Variants in LONP1 observed in about 807,000 individuals in gnomAD.
The protein encoded by LONP1 is lon peptidase 1, mitochondrial.
In LONP1, 31 loss-of-function variants were observed where a neutral mutation model predicts 98.5. The observed-to-expected ratio is 0.31, with a 90% CI of 0.24 to 0.42. The LOEUF is 0.42. Among genes scored for constraint, LONP1 ranks in the 20% least tolerant of loss-of-function variants. The pLI, the probability that LONP1 is intolerant of heterozygous loss-of-function variation, is 1.00. For synonymous variants in LONP1, 781 were observed against 594.7 expected (o/e 1.31, Z -4.56); for missense variants, 1,336 against 1,350.6 (o/e 0.99, Z 0.17).
Position 5,694,411 on chromosome 19 carries a change from T to G in LONP1, c.2296A>C (p.Met766Leu), listed in dbSNP as rs749874904. 6 of 1,613,400 alleles carry G rather than the reference T, an allele frequency of 3.7e-6. No homozygotes were observed. Among genetic ancestry groups the G allele is most frequent in the Non-Finnish European group, 2.5e-6 (3 of 1,179,990 alleles). The change falls in exon 15 of 18, where the codon ATG (methionine) becomes CTG (leucine). Residue 766 changes from methionine (M) to leucine (L), a missense_variant. Physicochemically the swap from Met to Leu is conservative, Grantham distance 15 (BLOSUM62 2). Transcript: ENST00000360614. ...MYDVTPPGVV[M>L]GLAWTAMGGS... ...CCCATTGCGGTCCAGGCCAGCCCCA[T>G]GACCACGCCGGGCGGTGTCACGTCA...
rs2054997075 is a variant in LONP1 at position 5,699,187 on chromosome 19, G to T, written c.1525C>A (p.Gln509Lys). The T allele has an allele frequency of 6.6e-7, 1 of 1,507,028 alleles. No individual in the cohort carries two copies. Among genetic ancestry groups the T allele is most frequent in the Non-Finnish European group, 8.9e-7 (1 of 1,121,702 alleles). 93.4% of individuals were successfully genotyped at this position (1,507,028 alleles called of 1,614,324 possible). A position where few individuals can be genotyped will look rare whatever the true frequency, so the allele number is the denominator to read the frequency against. ...TTGCCCTGGGTGGAGCCGCGGAGCT[G>T]GCTAACGGCAATGAACTCCTGCAGA... ...KRILEFIAVSQLRGSTQGKIL... is the reference protein window; with the variant it reads ...KRILEFIAVSKLRGSTQGKIL... Residue 509 changes from glutamine to lysine, a missense_variant, in exon 10 of 18, where the codon CAG becomes AAG. This residue lies in a region of LONP1 where 219 missense variants were observed against 241.0 expected (regional missense o/e 0.91). Transcript: ENST00000360614.
intron 17 of LONP1, among the ~76,000 whole-genome samples, chr19:5,692,690 A>G (rs2054849286): frequency 6.6e-6 from 1 of 152,160 alleles, no homozygotes; most frequent in South Asian, 2.1e-4. Flanking sequence ...TCCCACTGTC[A>G]CCGCACACTG....
At chr19:5,706,199 C>T (rs1349937477) in intron 7 of LONP1, among the ~76,000 whole-genome samples, 4 of 152,140 alleles carry the variant, frequency 2.6e-5, no homozygotes, top group Non-Finnish European at 5.9e-5. Flanking sequence ...TGCAAAGGCA[C>T]CATCATAGCT....
chr19:5,696,880 T>C, intron 10 of LONP1, 123 bp from the exon 11 acceptor site: 1 of 652,238 alleles, frequency 1.5e-6, no homozygotes, highest in Non-Finnish European at 2.6e-6. Flanking sequence ...GGCCATGATG[T>C]GGGAGGCGGA....
intron 8 of LONP1, among the ~76,000 whole-genome samples, chr19:5,705,161 T>TA (rs796726965): frequency 0.015 from 1,842 of 126,108 alleles, 28 homozygotes; most frequent in African/African-American, 0.04. Context: ...GACTCTGTCT[T>TA]AAAAAAAAAA....
chr19:5,703,272 A>T (rs2055089820), intron 8 of LONP1, among the ~76,000 whole-genome samples: 1 of 152,074 alleles, frequency 6.6e-6, no homozygotes, highest in Non-Finnish European at 1.5e-5. Flanking sequence ...CTGCTGACTC[A>T]TCAGGAGAGC....
chr19:5,695,039 T>A, intron 13 of LONP1, 138 bp from the exon 14 acceptor site: 2 of 1,019,642 alleles, frequency 2.0e-6, no homozygotes, highest in Non-Finnish European at 2.8e-6. Context: ...AACCAGGGCC[T>A]GGACACCCCG....
chr19:5,696,105 C>T lies in LONP1; in HGVS notation c.1962G>A (p.Glu654=). The T allele has an allele frequency of 6.2e-7, 1 of 1,613,194 alleles. No homozygotes were observed. The highest frequency in any genetic ancestry group is 1.1e-5 in the South Asian group (1 of 91,088). ...CCACGTAGCCCGACACGTTGATCAT[C>T]TCCATACGGTCTCGCAGCGGCTCGG... ...TIPEPLRDRM[E]MINVSGYVAQ... is the part of the protein sequence containing the mutation. The change falls in exon 13 of 18, where the codon GAG becomes GAA. Residue 654 remains glutamate (E), a synonymous_variant. Transcript: ENST00000360614.
rs776204640 is a variant in LONP1, at chr19:5,711,810, G to A, written c.831C>T (p.Asn277=). ...TGACCTGGAAGTCCTCGTGGACAAC[G>A]TTCTCTACCTCCACCATGAGCACCT... ...PAEVLMVEVE[N]VVHEDFQVTE... is the part of the protein sequence containing the mutation. Residue 277 remains asparagine (N), a synonymous_variant, in exon 4 of 18, where the codon AAC becomes AAT. Transcript: ENST00000360614. The A allele has an allele frequency of 4.3e-6, 7 of 1,612,364 alleles. No homozygotes were observed. The highest frequency in any genetic ancestry group is 1.3e-5 in the African/African-American group (1 of 75,054).
rs2054897250 is a variant in LONP1 at position 5,694,832 on chromosome 19, C to T, written c.2083G>A (p.Val695Met). 8 of 1,602,986 alleles carry T rather than the reference C, an allele frequency of 5.0e-6. No homozygotes were observed. Among genetic ancestry groups the T allele is most frequent in the East Asian group, 2.2e-5 (1 of 44,512 alleles). ...DESKAKLSSD[V>M]LTLLIKQYCR... The stretch of plus-strand genomic sequence containing the variant: ...TACTGCTTGATGAGCAGCGTCAGCA[C>T]GTCCGATGACAGCTTGGCCTTGCTC... Residue 695 changes from valine (V) to methionine (M), a missense_variant, in exon 14 of 18, where the codon GTG becomes ATG. Physicochemically the swap from Val to Met is conservative, Grantham distance 21. This residue lies in a region of LONP1 where 555 missense variants were observed against 542.6 expected (regional missense o/e 1.02). Transcript: ENST00000360614.
At chr19:5,695,963 C>A in intron 13 of LONP1, 91 bp downstream of exon 13, 3 of 1,169,166 alleles carry the variant, frequency 2.6e-6, no homozygotes, top group South Asian at 1.4e-5. Context: ...TCTCCCGGGC[C>A]CAGGAGCTCC....
chr19:5,694,716 G>A lies in LONP1; in HGVS notation c.2154+45C>T, dbSNP rs767002585. On this transcript the variant is annotated intron_variant, in intron 14 of 17. Coordinates refer to ENST00000360614, the MANE Select transcript of LONP1 (RefSeq NM_004793.4). ...AAAGGTGGGGTGATCAGCGTGGGAT[G>A]GTGAGGTGGGCGGCAGGTGCCAGGA... 6.3e-6 allele frequency: 10 copies of A among 1,574,822 alleles called. No homozygotes were observed. The East Asian group carries it at 1.6e-4, about 25-fold the overall frequency.
At chr19:5,698,190 C>T (rs936414853) in intron 10 of LONP1, among the ~76,000 whole-genome samples, 2 of 152,040 alleles carry the variant, frequency 1.3e-5, no homozygotes, top group African/African-American at 4.8e-5. Flanking sequence ...GGACACTGCG[C>T]GGGCCAGCAT....
At chr19:5,711,479 C>T (rs529090557) in intron 4 of LONP1, among the ~76,000 whole-genome samples, 16 of 152,330 alleles carry the variant, frequency 1.1e-4, no homozygotes, top group Non-Finnish European at 1.9e-4. Flanking sequence ...CCGCTGGAGG[C>T]TTTGGCACAG....
rs1017800963 is a variant in LONP1 at position 5,708,009 on chromosome 19, G to C, written c.933-183C>G. 10 of 702,486 alleles carry C rather than the reference G, an allele frequency of 1.4e-5. No individual in the cohort carries two copies. The African/African-American group carries it at 1.8e-4, about 13-fold the overall frequency. 43.5% of individuals were successfully genotyped at this position (702,486 alleles called of 1,614,324 possible). ...AGAGTTCAGGGCCCACCCGTCCTGG[G>C]CTGGAAAGGCATGCAGCATCCTCAC... On this transcript the variant is annotated intron_variant, in intron 5 of 17. Coordinates refer to ENST00000360614, the MANE Select transcript of LONP1 (RefSeq NM_004793.4).
intron 4 of LONP1, chr19:5,709,012 CA>C (rs34432915): frequency 0.47 from 35,297 of 75,458 alleles, 5,639 homozygotes; most frequent in African/African-American, 0.65. Flanking sequence ...GACTCTGTCT[CA>C]AAAAAAAAAA....
intron 6 of LONP1, 79 bp downstream of exon 6, chr19:5,707,618 G>T: frequency 3.3e-6 from 5 of 1,519,770 alleles, no homozygotes; most frequent in Non-Finnish European, 4.5e-6. Flanking sequence ...GAGGAACGGG[G>T]GCAGCCGGGC....
chr19:5,719,362 T>C (rs941443358), intron 1 of LONP1, among the ~76,000 whole-genome samples: 3 of 152,200 alleles, frequency 2.0e-5, no homozygotes, highest in African/African-American at 7.2e-5. Flanking sequence ...GAGGAGGTAT[T>C]ACAAAACTCG....
chr19:5,696,028 C>T (rs2054920847), intron 13 of LONP1, 26 bp downstream of exon 13: 1 of 1,595,904 alleles, frequency 6.3e-7, no homozygotes, highest in Non-Finnish European at 8.6e-7. Context: ...GGGAAGGGGA[C>T]AGCAGTGGGG....
Sources: gnomAD v4.1 joint callset for allele counts (sites outside exome capture counted in the v4.1 genomes callset) on GRCh38, gnomAD v4.1.1 for gene constraint, gnomAD v4.1.1 regional missense constraint, MANE v1.5 for transcripts, NCBI Gene and HGNC (gene_info 2026-07-23, HGNC 2026-07-21) for gene names.